SLC25A16: variants seen among roughly 807,000 people sequenced by gnomAD.
SLC25A16 encodes mitochondrial coenzyme A transporter SLC25A16.
Under a neutral mutation model 41.5 loss-of-function variants are expected in SLC25A16, and 39 were observed. The ratio of observed to expected loss-of-function variants is 0.94; its 90% CI spans 0.73 to 1.23. The LOEUF (loss-of-function observed/expected upper bound fraction) is 1.23. Among genes scored for constraint, SLC25A16 ranks in the 50% most tolerant of loss-of-function variants. The pLI is 0.00. For synonymous variants in SLC25A16, 146 were observed against 147.8 expected (o/e 0.99, Z 0.09); for missense variants, 421 against 426.9 (o/e 0.99, Z 0.12).
rs1322254789 is a variant in SLC25A16, at chr10:68,480,259, G to A, written c.*3173C>T. ...AGATAACCTGGCAAGATGCACTTTG[G>A]GCAATCTGAAATAAATCAGATATAA... On this transcript the variant is annotated 3_prime_UTR_variant, in exon 9 of 9. Coordinates refer to ENST00000609923, the MANE Select transcript of SLC25A16 (RefSeq NM_152707.4). The A allele has an allele frequency of 1.3e-5, 2 of 152,004 alleles. No individual in the cohort carries two copies. The highest frequency in any genetic ancestry group is 2.9e-5 in the Non-Finnish European group (2 of 68,000). The allele number at this position is 152,004 out of a possible 1,614,324, so 9.4% of individuals were successfully genotyped here. A position where few individuals can be genotyped will look rare whatever the true frequency, so the allele number is the denominator to read the frequency against.
intron 1 of SLC25A16, among the ~76,000 whole-genome samples, chr10:68,522,272 C>T (rs758521475): frequency 1.3e-5 from 2 of 151,984 alleles, no homozygotes; most frequent in Non-Finnish European, 2.9e-5. Context: ...CAAAAGGCTA[C>T]ATACTATATG....
At chr10:68,498,465 G>A (rs781770605) in intron 4 of SLC25A16, among the ~76,000 whole-genome samples, 2 of 151,908 alleles carry the variant, frequency 1.3e-5, no homozygotes, top group Non-Finnish European at 2.9e-5. Flanking sequence ...TGAGATGGGA[G>A]GATTGCTTCA....
chr10:68,522,814 CAAAAA>C (rs58143466), intron 1 of SLC25A16, among the ~76,000 whole-genome samples: 1 of 65,466 alleles, frequency 1.5e-5, no homozygotes, highest in Non-Finnish European at 2.8e-5. Flanking sequence ...GATTCCTTCT[CAAAAA>C]AAAAAAAAAA....
intron 8 of SLC25A16, 37 bp downstream of exon 8, chr10:68,487,106 TC>T: frequency 1.3e-6 from 2 of 1,533,334 alleles, no homozygotes; most frequent in Non-Finnish European, 9.0e-7. Context: ...ATGTTACATT[TC>T]CTAAAGAAAA....
At chr10:68,507,756 C>G (rs1281694720) in intron 2 of SLC25A16, among the ~76,000 whole-genome samples, 1 of 152,142 alleles carries the variant, frequency 6.6e-6, no homozygotes, top group East Asian at 1.9e-4. Context: ...AATTCAGGTT[C>G]CCTTTCAAAT....
chr10:68,501,401 G>C (rs1243331753), intron 4 of SLC25A16, among the ~76,000 whole-genome samples: 14 of 151,888 alleles, frequency 9.2e-5, no homozygotes, highest in Admixed American at 9.2e-4. Context: ...TACATGTCAA[G>C]AGTTCTGTCA....
At chr10:68,486,090 T>A (rs993970035) in intron 8 of SLC25A16, among the ~76,000 whole-genome samples, 2 of 151,004 alleles carry the variant, frequency 1.3e-5, no homozygotes, top group Non-Finnish European at 3.0e-5. Flanking sequence ...TGGTGGCAGG[T>A]ACCTGTAATC....
At chr10:68,526,619 G>A (rs1401520730) in intron 1 of SLC25A16, among the ~76,000 whole-genome samples, 1 of 152,112 alleles carries the variant, frequency 6.6e-6, no homozygotes, top group Non-Finnish European at 1.5e-5. Context: ...AGGTGTGGAG[G>A]GGCAACCCAC....
At chr10:68,502,836 GA>G (rs1314165435) in intron 4 of SLC25A16, among the ~76,000 whole-genome samples, 1 of 32,436 alleles carries the variant, frequency 3.1e-5, no homozygotes, top group Non-Finnish European at 5.4e-5. Context: ...GAGGGGAGGG[GA>G]AAGGAGGGGG....
intron 2 of SLC25A16, among the ~76,000 whole-genome samples, chr10:68,512,199 G>A (rs1367984962): frequency 2.0e-5 from 3 of 151,810 alleles, no homozygotes; most frequent in African/African-American, 7.3e-5. Context: ...AGACAGGTGG[G>A]TCAGACAGCT....
intron 1 of SLC25A16, among the ~76,000 whole-genome samples, 165 bp downstream of exon 1, chr10:68,527,081 C>T (rs779853262): frequency 6.6e-6 from 1 of 152,158 alleles, no homozygotes; most frequent in Non-Finnish European, 1.5e-5. Flanking sequence ...TGTCATTAGT[C>T]AAGTGATTAC....
intron 1 of SLC25A16, among the ~76,000 whole-genome samples, chr10:68,521,561 G>C (rs1176239158): frequency 6.7e-6 from 1 of 149,276 alleles, no homozygotes; most frequent in Non-Finnish European, 1.5e-5. Flanking sequence ...GAGGACTGGT[G>C]CAGTGGGTCA....
At chr10:68,514,239 G>A (rs2053119856) in intron 2 of SLC25A16, among the ~76,000 whole-genome samples, 1 of 152,096 alleles carries the variant, frequency 6.6e-6, no homozygotes, top group Non-Finnish European at 1.5e-5. Flanking sequence ...GCTTTCACCT[G>A]TAATCCCAGC....
In SLC25A16 at chr10:68,479,218, T is replaced by C. The variant is rs1188518468; in HGVS notation, c.*4214A>G. The C allele has an allele frequency of 6.6e-6, 1 of 152,212 alleles. No homozygotes were observed. Among genetic ancestry groups the C allele is most frequent in the Non-Finnish European group, 1.5e-5 (1 of 68,034 alleles). 9.4% of individuals were successfully genotyped at this position (152,212 alleles called of 1,614,324 possible). ...AGTCTTCAAAAACAGGGACTAACCC[T>C]TCCTTCTACCCACCAGTAAACATCA... On this transcript the variant is annotated 3_prime_UTR_variant, in exon 9 of 9. Coordinates refer to ENST00000609923, the MANE Select transcript of SLC25A16 (RefSeq NM_152707.4).
intron 1 of SLC25A16, among the ~76,000 whole-genome samples, chr10:68,520,869 C>T (rs1160547087): frequency 1.3e-5 from 2 of 151,172 alleles, no homozygotes; most frequent in African/African-American, 4.9e-5. Flanking sequence ...GGCATGGTGC[C>T]TCACATCTGT....
intron 8 of SLC25A16, among the ~76,000 whole-genome samples, chr10:68,483,987 G>C (rs543038030): frequency 6.6e-6 from 1 of 152,162 alleles, no homozygotes; most frequent in African/African-American, 2.4e-5. Flanking sequence ...TTTAAAGAAG[G>C]TTAAATGCCA....
intron 1 of SLC25A16, among the ~76,000 whole-genome samples, chr10:68,519,925 G>A (rs1302723418): frequency 1.3e-5 from 2 of 150,022 alleles, no homozygotes; most frequent in Non-Finnish European, 3.0e-5. Flanking sequence ...CAAAAAAAAA[G>A]AGAGAAATTG....
At chr10:68,505,057 T>G (rs1235370121) in intron 3 of SLC25A16, among the ~76,000 whole-genome samples, 1 of 152,124 alleles carries the variant, frequency 6.6e-6, no homozygotes, top group Non-Finnish European at 1.5e-5. Flanking sequence ...AAAAGCACAC[T>G]AAAGGCTGGG....
chr10:68,501,144 G>A (rs2052836846), intron 4 of SLC25A16, among the ~76,000 whole-genome samples: 1 of 151,352 alleles, frequency 6.6e-6, no homozygotes, highest in African/African-American at 2.4e-5. Context: ...CCAGCTACTC[G>A]GGAAGCTGAG....
Sources: allele counts gnomAD v4.1 joint callset (sites outside exome capture counted in the v4.1 genomes callset), GRCh38; gene constraint gnomAD v4.1.1; transcripts MANE v1.5; gene names NCBI Gene and HGNC (gene_info 2026-07-23, HGNC 2026-07-21).